The following ERBB4 variants were observed in gnomAD, a reference collection of about 807,000 sequenced individuals.
ERBB4 encodes the protein receptor tyrosine-protein kinase erbB-4.
Under a neutral mutation model 158.0 loss-of-function variants are expected in ERBB4, and 42 were observed. The observed-to-expected ratio is 0.27, with a 90% CI of 0.21 to 0.34. The LOEUF is 0.34. Among genes scored for constraint, ERBB4 ranks in the 10% least tolerant of loss-of-function variants. The pLI is 1.00. For missense variants in ERBB4, 1,333 were observed against 1,624.1 expected (o/e 0.82, Z 3.08); for synonymous variants, 583 against 558.7 (o/e 1.04, Z -0.61).
chr2:212,185,773 A>C (rs1035525198), intron 1 of ERBB4, among the ~76,000 whole-genome samples: 4 of 152,118 alleles, frequency 2.6e-5, no homozygotes, highest in African/African-American at 9.7e-5. Flanking sequence ...GTTGTAGTGT[A>C]GGTATGGGGG....
chr2:212,429,083 T>C lies in ERBB4; in HGVS notation c.82+109366A>G, dbSNP rs114766289. The C allele has an allele frequency of 8.1e-3, 1,238 of 152,376 alleles. 10 individuals are homozygous for C. Among genetic ancestry groups the C allele is most frequent in the Non-Finnish European group, 0.012 (802 of 68,090 alleles). 9.4% of individuals were successfully genotyped at this position (152,376 alleles called of 1,614,324 possible). A position where few individuals can be genotyped will look rare whatever the true frequency, so the allele number is the denominator to read the frequency against. Reference sequence around the variant, plus strand: ...CAGTGCAGGAATGAGAGCAGTTTATTTGAGCTGGCATTAGCCCCAGGCCCA... The same window carrying C: ...CAGTGCAGGAATGAGAGCAGTTTATCTGAGCTGGCATTAGCCCCAGGCCCA... On this transcript the variant is annotated intron_variant, in intron 1 of 27. Coordinates refer to ENST00000342788, the MANE Select transcript of ERBB4 (RefSeq NM_005235.3).
chr2:211,861,029 AATAT>A (rs2078008514), intron 3 of ERBB4, among the ~76,000 whole-genome samples: 3 of 8,160 alleles, frequency 3.7e-4, no homozygotes, highest in Non-Finnish European at 5.8e-4. Context: ...TATATATATA[AATAT>A]AATATATTTA....
At chr2:211,640,962 A>T (rs2070561484) in intron 16 of ERBB4, among the ~76,000 whole-genome samples, 1 of 152,292 alleles carries the variant, frequency 6.6e-6, no homozygotes, top group Middle Eastern at 3.4e-3. Context: ...GCAGACAGAC[A>T]ATTAGAAGGG....
chr2:211,711,960 T>G (rs936062812), intron 9 of ERBB4, 90 bp downstream of exon 9: 21 of 1,145,118 alleles, frequency 1.8e-5, no homozygotes, highest in Non-Finnish European at 2.6e-5. Flanking sequence ...ACTCTTCAGC[T>G]TCCAGAGGAA....
chr2:212,474,718 A>T (rs1689288047), intron 1 of ERBB4, among the ~76,000 whole-genome samples: 1 of 151,902 alleles, frequency 6.6e-6, no homozygotes, highest in Non-Finnish European at 1.5e-5. Context: ...AACACAGTCA[A>T]GTTCTTATGT....
intron 1 of ERBB4, among the ~76,000 whole-genome samples, chr2:212,492,784 C>T (rs905799828): frequency 1.3e-5 from 2 of 151,344 alleles, no homozygotes; most frequent in African/African-American, 4.8e-5. Context: ...CATCCATTTA[C>T]TAAAAGAGAA....
intron 1 of ERBB4, among the ~76,000 whole-genome samples, chr2:212,533,878 G>A (rs528363427): frequency 1.8e-4 from 28 of 152,312 alleles, no homozygotes; most frequent in African/African-American, 6.5e-4. Context: ...TATGCTTGGT[G>A]ATTAATTTCT....
intron 2 of ERBB4, among the ~76,000 whole-genome samples, chr2:211,951,909 G>T (rs2080884992): frequency 6.6e-6 from 1 of 151,916 alleles, no homozygotes; most frequent in Admixed American, 6.6e-5. Context: ...CCCATAAGTT[G>T]GTCCATAGTA....
At chr2:211,915,348 A>C (rs1044219383) in intron 3 of ERBB4, among the ~76,000 whole-genome samples, 2 of 151,908 alleles carry the variant, frequency 1.3e-5, no homozygotes, top group Non-Finnish European at 2.9e-5. Context: ...ATCTTAATTA[A>C]AGTTTCACAT....
chr2:212,075,213 G>A (rs975311021), intron 2 of ERBB4, among the ~76,000 whole-genome samples: 5 of 151,620 alleles, frequency 3.3e-5, no homozygotes, highest in African/African-American at 9.7e-5. Flanking sequence ...ACTAATTAAT[G>A]GCTTTAGTTA....
At chr2:212,422,541 A>T (rs547855877) in intron 1 of ERBB4, among the ~76,000 whole-genome samples, 1 of 151,726 alleles carries the variant, frequency 6.6e-6, no homozygotes, top group Non-Finnish European at 1.5e-5. Context: ...AGCGGGAAAA[A>T]TTCTGGTGCT....
chr2:211,886,178 G>T (rs1225241996), intron 3 of ERBB4, among the ~76,000 whole-genome samples: 1 of 152,070 alleles, frequency 6.6e-6, no homozygotes, highest in Admixed American at 6.6e-5. Flanking sequence ...TCTCTAACTT[G>T]CTTTTTATTC....
chr2:212,037,256 C>T (rs2077037805), intron 2 of ERBB4, among the ~76,000 whole-genome samples: 1 of 152,116 alleles, frequency 6.6e-6, no homozygotes, highest in African/African-American at 2.4e-5. Context: ...TAGCCTAGAC[C>T]TTTTGTGTCT....
chr2:212,288,123 TA>T (rs2086066979), intron 1 of ERBB4, among the ~76,000 whole-genome samples: 1 of 152,032 alleles, frequency 6.6e-6, no homozygotes, highest in South Asian at 2.1e-4. Context: ...TTTAAGATAG[TA>T]AGAGTGTCCT....
chr2:211,580,904 T>C (rs1217963261), intron 19 of ERBB4, among the ~76,000 whole-genome samples: 582 of 2,634 alleles, frequency 0.22, 110 homozygotes, highest in African/African-American at 0.43. Flanking sequence ...TATATATATA[T>C]ATATATATAT....
intron 13 of ERBB4, among the ~76,000 whole-genome samples, chr2:211,678,695 A>G (rs2072201048): frequency 6.6e-6 from 1 of 152,170 alleles, no homozygotes; most frequent in Non-Finnish European, 1.5e-5. Flanking sequence ...GGCCAGGTGC[A>G]GTGGCTCACG....
chr2:211,716,484 G>A (rs1052622841), intron 7 of ERBB4, among the ~76,000 whole-genome samples: 2 of 150,274 alleles, frequency 1.3e-5, no homozygotes, highest in Admixed American at 6.6e-5. Flanking sequence ...AGACCATCCC[G>A]GCTAACACGG....
At chr2:212,005,059 T>C (rs1413715267) in intron 2 of ERBB4, among the ~76,000 whole-genome samples, 1 of 152,174 alleles carries the variant, frequency 6.6e-6, no homozygotes, top group African/African-American at 2.4e-5. Flanking sequence ...TTAAAAGGTA[T>C]ACATCAAATT....
At chr2:211,466,877 CTCT>C (rs2064706252) in intron 20 of ERBB4, among the ~76,000 whole-genome samples, 1 of 152,032 alleles carries the variant, frequency 6.6e-6, no homozygotes, top group African/African-American at 2.4e-5. Flanking sequence ...GTTTTCCTCT[CTCT>C]CTCTCTTTTC....
Sources: gnomAD v4.1 joint callset for allele counts (sites outside exome capture counted in the v4.1 genomes callset) on GRCh38, gnomAD v4.1.1 for gene constraint, MANE v1.5 for transcripts, NCBI Gene and HGNC (gene_info 2026-07-23, HGNC 2026-07-21) for gene names.